The following SPATA17 variants were observed in gnomAD, a reference collection of about 807,000 sequenced individuals.
The protein encoded by SPATA17 is spermatogenesis associated 17.
SPATA17 carries 53 observed loss-of-function variants against 62.2 expected under a neutral mutation model. The ratio of observed to expected loss-of-function variants is 0.85; its 90% CI spans 0.68 to 1.07. The LOEUF is 1.07. Ranked by LOEUF, SPATA17 falls within the 50% of genes least tolerant of loss-of-function variation. The probability of loss-of-function intolerance (pLI) is 0.00; values close to 1 mark genes in which losing one functional copy is unlikely to be tolerated. For missense variants in SPATA17, 466 were observed against 425.5 expected (o/e 1.10, Z -0.84); for synonymous variants, 146 against 146.8 (o/e 0.99, Z 0.04).
intron 5 of SPATA17, among the ~76,000 whole-genome samples, chr1:217,709,864 T>C (rs1235646679): frequency 6.6e-6 from 1 of 152,242 alleles, no homozygotes; most frequent in African/African-American, 2.4e-5. Flanking sequence ...CAATCTTTAA[T>C]GTTGTCTTGA....
intron 5 of SPATA17, among the ~76,000 whole-genome samples, chr1:217,689,104 A>T (rs1671290224): frequency 6.6e-6 from 1 of 152,164 alleles, no homozygotes; most frequent in African/African-American, 2.4e-5. Flanking sequence ...GTACTAGGTT[A>T]AATGTTGTGG....
intron 5 of SPATA17, among the ~76,000 whole-genome samples, chr1:217,718,148 A>G (rs1672049739): frequency 1.3e-5 from 2 of 152,242 alleles, no homozygotes; most frequent in African/African-American, 2.4e-5. Context: ...AGAGCTATCA[A>G]TACAGTAAAT....
chr1:217,792,448 C>T (rs1674017651), intron 8 of SPATA17, among the ~76,000 whole-genome samples: 1 of 152,168 alleles, frequency 6.6e-6, no homozygotes, highest in Non-Finnish European at 1.5e-5. Flanking sequence ...TCCTCTGCAC[C>T]TTCATCTGCT....
At chr1:217,741,288 AT>A (rs1249901019) in intron 5 of SPATA17, among the ~76,000 whole-genome samples, 4 of 152,094 alleles carry the variant, frequency 2.6e-5, no homozygotes, top group East Asian at 3.8e-4. Context: ...TTAAAAGCTT[AT>A]TTTTTGTTTA....
At chr1:217,688,260 T>C (rs1671268352) in intron 5 of SPATA17, among the ~76,000 whole-genome samples, 1 of 151,864 alleles carries the variant, frequency 6.6e-6, no homozygotes, top group Non-Finnish European at 1.5e-5. Flanking sequence ...TAAACAAAAA[T>C]ATTTTTTAAA....
At chr1:217,748,032 G>C (rs895256398) in intron 6 of SPATA17, among the ~76,000 whole-genome samples, 2 of 152,014 alleles carry the variant, frequency 1.3e-5, no homozygotes, top group African/African-American at 2.4e-5. Flanking sequence ...GGCCGGGCGC[G>C]GTGGCTCACG....
intron 9 of SPATA17, among the ~76,000 whole-genome samples, chr1:217,811,974 G>A (rs947977155): frequency 1.4e-4 from 22 of 152,064 alleles, no homozygotes; most frequent in Non-Finnish European, 2.5e-4. Context: ...GACTAGAGAC[G>A]TCACGTTCAA....
intron 6 of SPATA17, among the ~76,000 whole-genome samples, chr1:217,749,983 CTCTATATATA>C (rs1485430735): frequency 1.2e-4 from 3 of 24,068 alleles, no homozygotes; most frequent in African/African-American, 4.7e-4. Context: ...CTCTCTCTCT[CTCTATATATA>C]TATATATATA....
chr1:217,803,653 T>C (rs941912505), intron 9 of SPATA17, among the ~76,000 whole-genome samples: 5 of 152,176 alleles, frequency 3.3e-5, no homozygotes, highest in African/African-American at 1.2e-4. Context: ...AATGTCCATA[T>C]AAACAAAGTG....
At chr1:217,760,561 C>G (rs1465321361) in intron 6 of SPATA17, among the ~76,000 whole-genome samples, 1 of 152,110 alleles carries the variant, frequency 6.6e-6, no homozygotes, top group Non-Finnish European at 1.5e-5. Context: ...TATAGCATTT[C>G]CCCCTGAGGC....
chr1:217,654,951 A>C (rs897134488), intron 3 of SPATA17, among the ~76,000 whole-genome samples: 1 of 152,080 alleles, frequency 6.6e-6, no homozygotes, highest in Admixed American at 6.5e-5. Context: ...ACCTTGTGAT[A>C]TGCCCGCCTT....
At chr1:217,699,535 C>T (rs956052869) in intron 5 of SPATA17, among the ~76,000 whole-genome samples, 3 of 151,916 alleles carry the variant, frequency 2.0e-5, no homozygotes, top group Admixed American at 6.6e-5. Flanking sequence ...TGTGTTTTGC[C>T]CATTTTCTAA....
At chr1:217,757,436 G>A (rs544599134) in intron 6 of SPATA17, among the ~76,000 whole-genome samples, 1 of 152,236 alleles carries the variant, frequency 6.6e-6, no homozygotes, top group South Asian at 2.1e-4. Context: ...GGAAGTGAGA[G>A]CAAAGGATAT....
chr1:217,749,768 G>A (rs996828917), intron 6 of SPATA17, among the ~76,000 whole-genome samples: 1 of 151,184 alleles, frequency 6.6e-6, no homozygotes, highest in Non-Finnish European at 1.5e-5. Context: ...CAGTTTGTAA[G>A]CCTCCAAAGA....
At chr1:217,839,994 G>T (rs938897759) in intron 9 of SPATA17, among the ~76,000 whole-genome samples, 4 of 142,030 alleles carry the variant, frequency 2.8e-5, no homozygotes, top group Non-Finnish European at 6.4e-5. Context: ...CGTGTTTAAA[G>T]GTTTAATCTT....
chr1:217,772,467 T>C (rs1195430623), intron 6 of SPATA17, among the ~76,000 whole-genome samples: 1 of 152,146 alleles, frequency 6.6e-6, no homozygotes. Flanking sequence ...ATAGAAAAAT[T>C]TGAGTTGGAG....
intron 2 of SPATA17, among the ~76,000 whole-genome samples, chr1:217,650,185 C>T (rs1017243721): frequency 6.6e-6 from 1 of 152,134 alleles, no homozygotes; most frequent in African/African-American, 2.4e-5. Flanking sequence ...GTGATCCGCC[C>T]GCCTTGGCTT....
At chr1:217,840,940 T>C (rs1675380933) in intron 9 of SPATA17, among the ~76,000 whole-genome samples, 1 of 151,992 alleles carries the variant, frequency 6.6e-6, no homozygotes, top group Non-Finnish European at 1.5e-5. Context: ...TATGTGGATA[T>C]ATACTTATAT....
intron 3 of SPATA17, among the ~76,000 whole-genome samples, chr1:217,660,086 A>AT (rs1218983727): frequency 6.6e-6 from 1 of 152,116 alleles, no homozygotes; most frequent in Non-Finnish European, 1.5e-5. Flanking sequence ...TCACCCAAAG[A>AT]TTTTTGGCAA....
Sources: gnomAD v4.1 joint callset for allele counts (sites outside exome capture counted in the v4.1 genomes callset) on GRCh38, gnomAD v4.1.1 for gene constraint, MANE v1.5 for transcripts, NCBI Gene and HGNC (gene_info 2026-07-23, HGNC 2026-07-21) for gene names.